DNER: variants seen among roughly 807,000 people sequenced by gnomAD.
DNER encodes delta and Notch-like epidermal growth factor-related receptor.
In DNER, 33 loss-of-function variants were observed where a neutral mutation model predicts 78.2. The ratio of observed to expected loss-of-function variants is 0.42; its 90% CI spans 0.32 to 0.56. The LOEUF is 0.56. DNER is among the 20% of genes least tolerant of loss of function. The pLI is 0.11. For missense variants in DNER, 918 were observed against 975.3 expected, an observed-to-expected ratio of 0.94 and a Z score of 0.78; for synonymous variants, 417 against 384.8, an observed-to-expected ratio of 1.08 and a Z score of -0.98.
intron 1 of DNER, among the ~76,000 whole-genome samples, chr2:229,619,853 G>A (rs1240691356): frequency 6.6e-6 from 1 of 152,160 alleles, no homozygotes. Flanking sequence ...ACTTACTACA[G>A]TGATTTCTAG....
intron 7 of DNER, among the ~76,000 whole-genome samples, chr2:229,474,891 C>A (rs966903797): frequency 7.2e-5 from 11 of 152,160 alleles, no homozygotes; most frequent in Non-Finnish European, 1.5e-4. Context: ...CCATTCCTAG[C>A]AGCCAACATC....
At position 229,389,316 on chromosome 2, in the gene DNER, T is replaced by G. The variant is rs140402529; in HGVS notation, c.1724-920A>C. ...AACACCACCTTAGAACAAAGCCATCTTCAAGTGATTTTAAAGCCATCATTA... is the reference window on the plus strand; with the variant it reads ...AACACCACCTTAGAACAAAGCCATCGTCAAGTGATTTTAAAGCCATCATTA... On this transcript the variant is annotated intron_variant, in intron 10 of 12. Transcript: ENST00000341772. Among the ~76,000 whole-genome samples the G allele has an allele frequency of 3.6e-3, 533 of 146,816 alleles. 6 individuals are homozygous for G. Among genetic ancestry groups the G allele is most frequent in the African/African-American group, 0.014 (515 of 36,418 alleles).
At chr2:229,463,884 C>T (rs929067027) in intron 7 of DNER, among the ~76,000 whole-genome samples, 9 of 152,174 alleles carry the variant, frequency 5.9e-5, no homozygotes, top group African/African-American at 2.2e-4. Flanking sequence ...ACGTTGAGGC[C>T]ATTTTTCCTT....
intron 1 of DNER, among the ~76,000 whole-genome samples, chr2:229,709,523 C>T (rs969738881): frequency 9.9e-5 from 15 of 152,134 alleles, no homozygotes; most frequent in African/African-American, 3.6e-4. Context: ...GTAACAAAGA[C>T]TGATGTAGTA....
chr2:229,510,280 A>G (rs1559152833), intron 6 of DNER, among the ~76,000 whole-genome samples: 2 of 152,270 alleles, frequency 1.3e-5, no homozygotes, highest in Non-Finnish European at 2.9e-5. Context: ...AAGTTTAAGC[A>G]GAAAAGCAAC....
In DNER at chr2:229,460,940, C is replaced by A. The variant is rs143970575; in HGVS notation, c.1262-13400G>T. ...GATACAGTACTATGTGAGTCCGATTCCCCCTTGTAGAAATATAGAAGTCTG... is the reference window on the plus strand; with the variant it reads ...GATACAGTACTATGTGAGTCCGATTACCCCTTGTAGAAATATAGAAGTCTG... On this transcript the variant is annotated intron_variant, in intron 7 of 12. Coordinates refer to ENST00000341772, the MANE Select transcript of DNER (RefSeq NM_139072.4). Among the ~76,000 whole-genome samples, 177 of 152,136 alleles carry A rather than the reference C, an allele frequency of 1.2e-3. 1 individual carries two copies. Among genetic ancestry groups the A allele is most frequent in the African/African-American group, 4.0e-3 (166 of 41,448 alleles).
At chr2:229,603,592 T>C (rs1697876288) in intron 1 of DNER, among the ~76,000 whole-genome samples, 1 of 152,158 alleles carries the variant, frequency 6.6e-6, no homozygotes, top group South Asian at 2.1e-4. Flanking sequence ...TGACCCATGC[T>C]TGAAGTCAGA....
chr2:229,561,836 G>A (rs1331904366), intron 4 of DNER, among the ~76,000 whole-genome samples: 1 of 152,176 alleles, frequency 6.6e-6, no homozygotes, highest in African/African-American at 2.4e-5. Context: ...GGGATGTGGA[G>A]TTTTTGCTGT....
At chr2:229,531,791 T>C (rs532904593) in intron 5 of DNER, among the ~76,000 whole-genome samples, 1 of 152,336 alleles carries the variant, frequency 6.6e-6, no homozygotes, top group Admixed American at 6.5e-5. Context: ...GACCTTGTGG[T>C]ATATCCATAC....
Position 229,418,199 on chromosome 2 carries a change from A to T in DNER, c.1518T>A (p.Tyr506Ter), listed in dbSNP as rs1346631342. Reference sequence around the variant, plus strand: ...GGCATGGAGCGGAGAGGCACTCATTATATTCCTCCTCACAGTAGAGGCCAT... The same window carrying T: ...GGCATGGAGCGGAGAGGCACTCATTTTATTCCTCCTCACAGTAGAGGCCAT... ...GYHGLYCEEE[Y>*]NECLSAPCLN... Residue 506 changes from tyrosine to a stop codon, truncating the protein, a stop_gained, in exon 9 of 13, where the codon TAT becomes TAA. Transcript: ENST00000341772. LOFTEE classifies it high-confidence loss of function. 1 of 1,614,010 alleles carries T rather than the reference A, an allele frequency of 6.2e-7. No individual in the cohort carries two copies.
chr2:229,525,684 C>T (rs1044000679), intron 5 of DNER, among the ~76,000 whole-genome samples: 1 of 152,174 alleles, frequency 6.6e-6, no homozygotes, highest in Non-Finnish European at 1.5e-5. Context: ...GTGAACTCGG[C>T]TCACTGCAAC....
chr2:229,449,598 C>T (rs187529925), intron 7 of DNER, among the ~76,000 whole-genome samples: 1 of 152,006 alleles, frequency 6.6e-6, no homozygotes, highest in East Asian at 1.9e-4. Context: ...TGGGCGGTGG[C>T]CAGTGGGGAG....
At chr2:229,424,490 G>A (rs1354731079) in intron 8 of DNER, among the ~76,000 whole-genome samples, 3 of 152,134 alleles carry the variant, frequency 2.0e-5, no homozygotes, top group Admixed American at 6.5e-5. Context: ...GAGTTTTGGA[G>A]GCTAGAAGTC....
chr2:229,542,287 C>T (rs946911999), intron 5 of DNER, among the ~76,000 whole-genome samples: 4 of 151,774 alleles, frequency 2.6e-5, no homozygotes, highest in East Asian at 3.9e-4. Flanking sequence ...CTTGGTAACA[C>T]GAAAGCAGTT....
At chr2:229,594,747 C>CA (rs1331956941) in intron 1 of DNER, among the ~76,000 whole-genome samples, 3 of 151,350 alleles carry the variant, frequency 2.0e-5, no homozygotes, top group East Asian at 1.9e-4. Context: ...ATTATCATGC[C>CA]AAAAAAAATT....
Position 229,591,776 on chromosome 2 carries a change from G to C in DNER, c.389C>G (p.Pro130Arg). Residue 130 changes from proline to arginine, a missense_variant, in exon 2 of 13, where the codon CCC (proline) becomes CGC (arginine). Coordinates refer to ENST00000341772, the MANE Select transcript of DNER (RefSeq NM_139072.4). The surrounding 1 kb of genome is among the most constrained non-coding windows in gnomAD (Gnocchi z 4.6). ...ACTGGGAAGTGCCTGTTCACAGTTG[G>C]GACCTTCATAGCCTTCATTGCAAAT... ...LCICNEGYEG[P>R]NCEQALPSLP... is the part of the protein sequence containing the mutation. 6.2e-7 allele frequency: 1 copy of C among 1,614,136 alleles called. No individual in the cohort carries two copies. Among genetic ancestry groups the C allele is most frequent in the Non-Finnish European group, 8.5e-7 (1 of 1,180,008 alleles).
At chr2:229,523,315 A>G (rs971343825) in intron 5 of DNER, among the ~76,000 whole-genome samples, 6 of 152,238 alleles carry the variant, frequency 3.9e-5, no homozygotes, top group African/African-American at 4.8e-5. Context: ...GTAACGAAGT[A>G]TCACAGAGTA....
intron 1 of DNER, among the ~76,000 whole-genome samples, chr2:229,705,962 G>A (rs1174838030): frequency 6.6e-6 from 1 of 152,058 alleles, no homozygotes; most frequent in Admixed American, 6.6e-5. Flanking sequence ...AGACATGTTG[G>A]CCAAGGGCTG....
In DNER at chr2:229,591,816, C is replaced by CGCT. The variant is rs376000556; in HGVS notation, c.346_348dup (p.Ser116dup). 1.0e-3 allele frequency: 1,638 copies of CGCT among 1,611,452 alleles called. 5 individuals are homozygous for CGCT. The highest frequency in any genetic ancestry group is 8.9e-3 in the African/African-American group (670 of 74,872). On this transcript the variant is annotated inframe_insertion, in exon 2 of 13. Transcript: ENST00000341772. The surrounding 1 kb of genome is among the most constrained non-coding windows in gnomAD (Gnocchi z 4.6). ...TCATTGCAAATGCAGAGGTAGCCAT[C>CGCT]GCTGCTGCTGCTGCTGCTGCTGCTG... is the stretch of plus-strand genomic sequence containing the variant.
Sources: gnomAD v4.1 joint callset for allele counts (sites outside exome capture counted in the v4.1 genomes callset) on GRCh38, gnomAD v4.1.1 for gene constraint, Gnocchi (gnomAD v3.1) non-coding constraint, MANE v1.5 for transcripts, NCBI Gene and HGNC (gene_info 2026-07-23, HGNC 2026-07-21) for gene names.